Variants in ZNF552 observed in about 807,000 individuals in gnomAD.
ZNF552 encodes the protein zinc finger protein 552.
A neutral mutation model predicts 7.2 loss-of-function variants in ZNF552; 2 were observed. That is an observed-to-expected ratio of 0.28 (90% CI 0.11 to 0.88). The LOEUF (loss-of-function observed/expected upper bound fraction) is 0.88, where lower values mean the gene tolerates loss of function less well. Among genes scored for constraint, ZNF552 ranks in the 40% least tolerant of loss-of-function variants. ZNF552 has a pLI of 0.60. For missense variants in ZNF552, 421 were observed against 493.4 expected (o/e 0.85, Z 1.39); for synonymous variants, 173 against 176.5 (o/e 0.98, Z 0.16).
At position 57,807,233 on chromosome 19, in the gene ZNF552, A is replaced by G. The variant is rs1335601586; in HGVS notation, c.*807T>C. ...AGGTGATAGATTAGATAAATTCATTATTGTGACTCTGATGATGGTTTCATG... is the reference window on the plus strand; with the variant it reads ...AGGTGATAGATTAGATAAATTCATTGTTGTGACTCTGATGATGGTTTCATG... On this transcript the variant is annotated 3_prime_UTR_variant, in exon 3 of 3. Transcript: ENST00000391701. 1 of 152,226 alleles carries G rather than the reference A, an allele frequency of 6.6e-6. No individual in the cohort carries two copies. The highest frequency in any genetic ancestry group is 1.9e-4 in the East Asian group (1 of 5,186). 9.4% of individuals were successfully genotyped at this position (152,226 alleles called of 1,614,324 possible). A position where few individuals can be genotyped will look rare whatever the true frequency, so the allele number is the denominator to read the frequency against.
At chr19:57,809,808 CCT>C (rs1475534007) in intron 2 of ZNF552, among the ~76,000 whole-genome samples, 1 of 151,994 alleles carries the variant, frequency 6.6e-6, no homozygotes, top group Non-Finnish European at 1.5e-5. Flanking sequence ...ATGGTGAGAC[CCT>C]GTCTCTACAG....
chr19:57,811,047 C>A (rs1987845334), intron 2 of ZNF552, among the ~76,000 whole-genome samples: 1 of 152,196 alleles, frequency 6.6e-6, no homozygotes, highest in Non-Finnish European at 1.5e-5. Flanking sequence ...TATTGACCTG[C>A]CACATGGTAG....
chr19:57,808,949 A>G lies in ZNF552; in HGVS notation c.315T>C (p.His105=). ...GATGTGTTCCCTGATGATCTGCCAC[A>G]TGCAAAATGTCTCCCAAGATCGGGC... The part of the protein sequence containing the change: ...MCGPILGDIL[H]VADHQGTHHK... Residue 105 remains histidine (H), a synonymous_variant, in exon 3 of 3, where the codon CAT becomes CAC. Transcript: ENST00000391701. The G allele has an allele frequency of 1.9e-6, 3 of 1,603,574 alleles. No individual in the cohort carries two copies. Among genetic ancestry groups the G allele is most frequent in the Non-Finnish European group, 1.7e-6 (2 of 1,173,306 alleles).
intron 2 of ZNF552, among the ~76,000 whole-genome samples, chr19:57,812,431 G>C (rs190340667): frequency 7.3e-5 from 11 of 151,598 alleles, no homozygotes; most frequent in Non-Finnish European, 1.3e-4. Flanking sequence ...GACCACAGAA[G>C]ATGATCCCAC....
intron 2 of ZNF552, among the ~76,000 whole-genome samples, chr19:57,810,687 A>C (rs1347194078): frequency 2.0e-5 from 3 of 152,098 alleles, no homozygotes; most frequent in African/African-American, 7.2e-5. Context: ...GCCTCATGGG[A>C]AGGGAAAGAC....
chr19:57,810,425 T>C (rs903842331), intron 2 of ZNF552, among the ~76,000 whole-genome samples: 2 of 152,198 alleles, frequency 1.3e-5, no homozygotes, highest in African/African-American at 4.8e-5. Context: ...GAAAAATTAT[T>C]CTGCCTTGAG....
At chr19:57,813,496 T>C (rs1257774278) in intron 1 of ZNF552, 76 bp from the exon 2 acceptor site, 3 of 1,518,384 alleles carry the variant, frequency 2.0e-6, no homozygotes, top group Non-Finnish European at 2.7e-6. Context: ...CCCACACATC[T>C]ACTCTCGCAC....
In ZNF552 at chr19:57,810,256, C is replaced by T. The variant is rs774026056; in HGVS notation, c.161-1153G>A. Among the ~76,000 whole-genome samples, 35 of 151,882 alleles carry T rather than the reference C, an allele frequency of 2.3e-4. No individual in the cohort carries two copies. In the Middle Eastern group the frequency reaches 0.01, roughly 44 times the overall value. On this transcript the variant is annotated intron_variant, in intron 2 of 2. Coordinates refer to ENST00000391701, the MANE Select transcript of ZNF552 (RefSeq NM_024762.3). ...AGGCAGAGCTGGGCGGATCACCTGA[C>T]GTCAGGAGTTTGAGACCAGCCTGAC...
chr19:57,808,300 T>C lies in ZNF552; in HGVS notation c.964A>G (p.Arg322Gly). 4 of 1,614,130 alleles carry C rather than the reference T, an allele frequency of 2.5e-6. No individual in the cohort carries two copies. Among genetic ancestry groups the C allele is most frequent in the Non-Finnish European group, 3.4e-6 (4 of 1,180,014 alleles). Residue 322 changes from arginine to glycine, a missense_variant, in exon 3 of 3, where the codon AGG becomes GGG. By Grantham distance (125) the Arg-to-Gly change is moderately radical. Around this residue, in one of 2 missense-constraint regions of ZNF552, gnomAD observed 299 missense variants for 293.7 expected, o/e 1.02. Transcript: ENST00000391701. ...CCACAATCACTGCATTCATATGGCC[T>C]TTCTCCAGTGTGAACTCTCTGGTGT... ...IAHQRVHTGE[R>G]PYECSDCGKS...
intron 2 of ZNF552, among the ~76,000 whole-genome samples, chr19:57,811,323 G>GT (rs1316160896): frequency 6.6e-6 from 1 of 151,972 alleles, no homozygotes; most frequent in African/African-American, 2.4e-5. Flanking sequence ...ACAGGCGCCC[G>GT]CCACCACGCC....
Position 57,807,601 on chromosome 19 carries a change from C to T in ZNF552, c.*439G>A, listed in dbSNP as rs1324060629. On this transcript the variant is annotated 3_prime_UTR_variant, in exon 3 of 3. Coordinates refer to ENST00000391701, the MANE Select transcript of ZNF552 (RefSeq NM_024762.3). ...AGACTTATCCTACAGCTCAAATATG[C>T]ATACTTTATTGGATGTCATTTATAT... 6.3e-6 allele frequency: 1 copy of T among 157,626 alleles called. No homozygotes were observed. Among genetic ancestry groups the T allele is most frequent in the East Asian group, 1.9e-4 (1 of 5,324 alleles). The allele number at this position is 157,626 out of a possible 1,614,324, so 9.8% of individuals were successfully genotyped here. A position where few individuals can be genotyped will look rare whatever the true frequency, so the allele number is the denominator to read the frequency against.
At chr19:57,812,173 C>G (rs1987870601) in intron 2 of ZNF552, among the ~76,000 whole-genome samples, 1 of 152,040 alleles carries the variant, frequency 6.6e-6, no homozygotes, top group African/African-American at 2.4e-5. Context: ...TGCACTCCAG[C>G]CTGGGCAACA....
chr19:57,813,151 T>C lies in ZNF552; in HGVS notation c.160+143A>G, dbSNP rs893166294. 5 of 1,375,432 alleles carry C rather than the reference T, an allele frequency of 3.6e-6. No individual in the cohort carries two copies. In the African/African-American group the frequency reaches 4.4e-5, roughly 12 times the overall value. 85.2% of individuals were successfully genotyped at this position (1,375,432 alleles called of 1,614,324 possible). On this transcript the variant is annotated intron_variant, in intron 2 of 2. Coordinates refer to ENST00000391701, the MANE Select transcript of ZNF552 (RefSeq NM_024762.3). ...GCTGCTCCAAGAATGGAGAGGGCAG[T>C]ATGCATACCTCAGTCCTACCAACCA... is the stretch of plus-strand genomic sequence containing the variant.
At chr19:57,812,078 G>A (rs1987868999) in intron 2 of ZNF552, among the ~76,000 whole-genome samples, 1 of 147,228 alleles carries the variant, frequency 6.8e-6, no homozygotes, top group South Asian at 2.1e-4. Context: ...GCATGCACCT[G>A]TATTCCCAGC....
At chr19:57,811,280 C>G (rs2122144864) in intron 2 of ZNF552, among the ~76,000 whole-genome samples, 1 of 152,234 alleles carries the variant, frequency 6.6e-6, no homozygotes, top group Admixed American at 6.5e-5. Flanking sequence ...TCACGCCATT[C>G]TCCTGCCTCA....
chr19:57,813,036 C>T (rs188424477), intron 2 of ZNF552: 7 of 521,654 alleles, frequency 1.3e-5, no homozygotes, highest in South Asian at 7.4e-5. Context: ...ACACAAACAT[C>T]CACAGGACAA....
In ZNF552 at chr19:57,808,065, C is replaced by A. The variant is rs145868633; in HGVS notation, c.1199G>T (p.Arg400Ile). ...TCATAAGCCCTTTCTTTTGTGAACT[C>A]TCTGATGATGACGAAGTGAAGAGAT... ...RQISSLRHHQ[R>I]VHKRKGL The change falls in exon 3 of 3, where the codon AGA (arginine) becomes ATA (isoleucine). Residue 400 changes from arginine to isoleucine, a missense_variant. By Grantham distance (97) the Arg-to-Ile change is moderately conservative. Transcript: ENST00000391701. The A allele has an allele frequency of 9.9e-6, 16 of 1,612,898 alleles. No homozygotes were observed. The highest frequency in any genetic ancestry group is 1.4e-5 in the Non-Finnish European group (16 of 1,179,484).
At chr19:57,812,517 A>G (rs944348672) in intron 2 of ZNF552, among the ~76,000 whole-genome samples, 2 of 152,204 alleles carry the variant, frequency 1.3e-5, no homozygotes, top group Non-Finnish European at 2.9e-5. Context: ...AACAGCCAAC[A>G]CTGGCTTAGA....
In ZNF552 at chr19:57,809,205, G is replaced by A. The variant is rs151093887; in HGVS notation, c.161-102C>T. On this transcript the variant is annotated intron_variant, in intron 2 of 2. Transcript: ENST00000391701. Reference sequence around the variant, plus strand: ...AAAACTGAGGAATTACTCCAAGGAAGTACTTGGAGGAACAGGATGTTGGCT... The same window carrying A: ...AAAACTGAGGAATTACTCCAAGGAAATACTTGGAGGAACAGGATGTTGGCT... 1.2e-3 allele frequency: 1,925 copies of A among 1,607,528 alleles called. 19 individuals carry two copies. The African/African-American group carries it at 0.021, about 18-fold the overall frequency.
Sources: allele counts gnomAD v4.1 joint callset (sites outside exome capture counted in the v4.1 genomes callset), GRCh38; gene constraint gnomAD v4.1.1; regional missense constraint gnomAD v4.1.1; transcripts MANE v1.5; gene names NCBI Gene and HGNC (gene_info 2026-07-23, HGNC 2026-07-21).